SPAG16: variants seen among roughly 807,000 people sequenced by gnomAD.
The protein encoded by SPAG16 is sperm associated antigen 16, also known as sperm-associated antigen 16 protein.
Under a neutral mutation model 80.4 loss-of-function variants are expected in SPAG16, and 86 were observed. That is an observed-to-expected ratio of 1.07 (90% CI 0.90 to 1.28). The LOEUF (loss-of-function observed/expected upper bound fraction) is 1.28, where lower values mean the gene tolerates loss of function less well. SPAG16 is among the 50% of genes most tolerant of loss of function. The pLI is 0.00. For missense variants in SPAG16, 870 were observed against 765.3 expected, an observed-to-expected ratio of 1.14 and a Z score of -1.61; for synonymous variants, 294 against 265.9, an observed-to-expected ratio of 1.11 and a Z score of -1.03.
intron 12 of SPAG16, among the ~76,000 whole-genome samples, chr2:213,987,546 A>G (rs1575741745): frequency 6.6e-6 from 1 of 152,224 alleles, no homozygotes; most frequent in African/African-American, 2.4e-5. Flanking sequence ...ATAAACTAAT[A>G]TACCACTATT....
intron 15 of SPAG16, among the ~76,000 whole-genome samples, chr2:214,255,074 C>T (rs1690584220): frequency 6.6e-6 from 1 of 151,990 alleles, no homozygotes; most frequent in Non-Finnish European, 1.5e-5. Flanking sequence ...CACAGTCTTC[C>T]ATTACCAATG....
intron 10 of SPAG16, among the ~76,000 whole-genome samples, chr2:213,603,164 A>G (rs1313049631): frequency 6.6e-6 from 1 of 152,242 alleles, no homozygotes; most frequent in African/African-American, 2.4e-5. Context: ...TTAGAAATAT[A>G]ACAGCTGTTT....
At chr2:213,426,572 T>C (rs145011991) in intron 9 of SPAG16, among the ~76,000 whole-genome samples, 3,084 of 152,028 alleles carry the variant, frequency 0.02, 45 homozygotes, top group Middle Eastern at 0.051. Context: ...ATTCTTGATA[T>C]TTGTATTATG....
At chr2:213,930,988 C>T (rs556186838) in intron 12 of SPAG16, among the ~76,000 whole-genome samples, 3 of 152,268 alleles carry the variant, frequency 2.0e-5, no homozygotes, top group African/African-American at 7.2e-5. Context: ...TGAAGGTCCT[C>T]CCTTCAAGGG....
chr2:213,297,831 C>G (rs2062573327), intron 3 of SPAG16, among the ~76,000 whole-genome samples: 1 of 151,958 alleles, frequency 6.6e-6, no homozygotes, highest in South Asian at 2.1e-4. Flanking sequence ...ATACAATGAA[C>G]TAAAAGTGCA....
At chr2:213,401,416 T>C (rs543381872) in intron 9 of SPAG16, among the ~76,000 whole-genome samples, 2 of 152,392 alleles carry the variant, frequency 1.3e-5, no homozygotes, top group African/African-American at 2.4e-5. Flanking sequence ...GCAATTCTTA[T>C]ACATTAAATT....
At chr2:214,304,504 T>A (rs1324974053) in intron 15 of SPAG16, among the ~76,000 whole-genome samples, 1 of 152,242 alleles carries the variant, frequency 6.6e-6, no homozygotes, top group African/African-American at 2.4e-5. Flanking sequence ...CCATAAGGGA[T>A]ACTTTTAGTT....
At chr2:213,361,541 A>T (rs1266852481) in intron 7 of SPAG16, among the ~76,000 whole-genome samples, 1 of 151,700 alleles carries the variant, frequency 6.6e-6, no homozygotes, top group Non-Finnish European at 1.5e-5. Flanking sequence ...AAGGAAAGGA[A>T]ACAGGGTTCT....
chr2:213,421,512 C>T (rs553055393), intron 9 of SPAG16, among the ~76,000 whole-genome samples: 1 of 152,198 alleles, frequency 6.6e-6, no homozygotes, highest in African/African-American at 2.4e-5. Flanking sequence ...ATGTGGGTCC[C>T]TGGTGAAGCC....
chr2:213,596,977 G>T (rs766858172), intron 10 of SPAG16, among the ~76,000 whole-genome samples: 1 of 151,968 alleles, frequency 6.6e-6, no homozygotes, highest in South Asian at 2.1e-4. Context: ...AGCATTTTGC[G>T]GAGACTTATG....
chr2:213,673,208 A>T (rs2063891986), intron 10 of SPAG16, among the ~76,000 whole-genome samples: 1 of 152,118 alleles, frequency 6.6e-6, no homozygotes, highest in African/African-American at 2.4e-5. Context: ...TTTTTCTGAC[A>T]CCACATGAAT....
intron 10 of SPAG16, among the ~76,000 whole-genome samples, chr2:213,507,295 C>A (rs1057013236): frequency 1.3e-5 from 2 of 152,144 alleles, no homozygotes; most frequent in African/African-American, 2.4e-5. Context: ...AGTTTTGGCA[C>A]CGTTGTTTTA....
intron 10 of SPAG16, among the ~76,000 whole-genome samples, chr2:213,592,799 T>A (rs2060748576): frequency 6.6e-6 from 1 of 152,216 alleles, no homozygotes; most frequent in African/African-American, 2.4e-5. Context: ...TGACCCTAAA[T>A]GGTGTGATCA....
chr2:214,149,351 A>G (rs1309674825), intron 15 of SPAG16, 85 bp downstream of exon 15: 6 of 1,245,034 alleles, frequency 4.8e-6, no homozygotes, highest in African/African-American at 3.1e-5. Context: ...CCTTAAATGT[A>G]TGTATTTCTA....
chr2:214,403,560 A>G (rs1307134351), intron 15 of SPAG16, among the ~76,000 whole-genome samples: 1 of 152,096 alleles, frequency 6.6e-6, no homozygotes, highest in Non-Finnish European at 1.5e-5. Context: ...CACATGCTCA[A>G]TAGCTACATG....
chr2:213,473,468 C>T (rs1441904184), intron 9 of SPAG16, among the ~76,000 whole-genome samples: 1 of 152,176 alleles, frequency 6.6e-6, no homozygotes, highest in Non-Finnish European at 1.5e-5. Context: ...CAAGTTATAT[C>T]TTCTGGACCC....
intron 12 of SPAG16, among the ~76,000 whole-genome samples, chr2:213,967,105 G>A (rs766347368): frequency 2.0e-5 from 3 of 152,036 alleles, no homozygotes; most frequent in Non-Finnish European, 4.4e-5. Flanking sequence ...TAGTCATCAT[G>A]ATTTCTATGA....
chr2:214,128,435 G>A (rs1052950981), intron 14 of SPAG16, among the ~76,000 whole-genome samples: 2 of 151,850 alleles, frequency 1.3e-5, no homozygotes, highest in South Asian at 2.1e-4. Flanking sequence ...TCATTGTCTG[G>A]TTATGCTCAC....
chr2:214,190,576 A>G (rs2057630719), intron 15 of SPAG16, among the ~76,000 whole-genome samples: 2 of 152,110 alleles, frequency 1.3e-5, no homozygotes, highest in Non-Finnish European at 2.9e-5. Flanking sequence ...TATATGATAT[A>G]TCATCACAGA....
Sources: gnomAD v4.1 joint callset for allele counts (sites outside exome capture counted in the v4.1 genomes callset) on GRCh38, gnomAD v4.1.1 for gene constraint, MANE v1.5 for transcripts, NCBI Gene and HGNC (gene_info 2026-07-23, HGNC 2026-07-21) for gene names.